The following STAG1 variants were observed in gnomAD, a reference collection of about 807,000 sequenced individuals.
STAG1 encodes the protein STAG1 cohesin complex component.
Under a neutral mutation model 170.9 loss-of-function variants are expected in STAG1, and 26 were observed. That is an observed-to-expected ratio of 0.15 (90% CI 0.11 to 0.21). The LOEUF (loss-of-function observed/expected upper bound fraction) is 0.21. Ranked by LOEUF, STAG1 falls within the 10% of genes least tolerant of loss-of-function variation. The pLI is 1.00. For missense variants in STAG1, 964 were observed against 1,509.5 expected (o/e 0.64, Z 5.99); for synonymous variants, 514 against 497.7 (o/e 1.03, Z -0.44).
At chr3:136,493,923 A>C (rs913547381) in intron 9 of STAG1, among the ~76,000 whole-genome samples, 6 of 152,330 alleles carry the variant, frequency 3.9e-5, no homozygotes, top group African/African-American at 1.4e-4. Flanking sequence ...TGCATGAAAT[A>C]GACATATTGC....
At chr3:136,617,247 T>C (rs1280490688) in intron 3 of STAG1, among the ~76,000 whole-genome samples, 1 of 152,216 alleles carries the variant, frequency 6.6e-6, no homozygotes, top group Admixed American at 6.5e-5. Flanking sequence ...CCTCATACTA[T>C]TCCAAGTGTA....
At chr3:136,373,192 A>G (rs1328699090) in intron 23 of STAG1, among the ~76,000 whole-genome samples, 1 of 152,040 alleles carries the variant, frequency 6.6e-6, no homozygotes, top group Non-Finnish European at 1.5e-5. Flanking sequence ...ATCGGTGGTG[A>G]TATCCCCTTT....
At chr3:136,408,674 T>G (rs1345179553) in intron 21 of STAG1, among the ~76,000 whole-genome samples, 1 of 152,120 alleles carries the variant, frequency 6.6e-6, no homozygotes, top group Non-Finnish European at 1.5e-5. Flanking sequence ...CACCATTATA[T>G]CCTCAGGACT....
At chr3:136,681,903 G>A (rs1395727338) in intron 1 of STAG1, among the ~76,000 whole-genome samples, 4 of 151,944 alleles carry the variant, frequency 2.6e-5, no homozygotes, top group South Asian at 2.1e-4. Context: ...TATGAAATAC[G>A]CACAGCTAAT....
chr3:136,685,726 G>A (rs1457141582), intron 1 of STAG1, among the ~76,000 whole-genome samples: 1 of 151,966 alleles, frequency 6.6e-6, no homozygotes, highest in Non-Finnish European at 1.5e-5. Context: ...TGACATTCTG[G>A]AAAAGGCAAA....
At chr3:136,493,989 T>C (rs1932932301) in intron 9 of STAG1, among the ~76,000 whole-genome samples, 1 of 152,142 alleles carries the variant, frequency 6.6e-6, no homozygotes, top group South Asian at 2.1e-4. Context: ...TCTGGCGGTG[T>C]GCAGGGCGCA....
intron 4 of STAG1, among the ~76,000 whole-genome samples, chr3:136,592,953 C>A (rs1316511519): frequency 6.6e-6 from 1 of 152,206 alleles, no homozygotes; most frequent in Non-Finnish European, 1.5e-5. Context: ...AAGGCACAGA[C>A]AACCTGGCAA....
intron 25 of STAG1, among the ~76,000 whole-genome samples, chr3:136,365,132 A>G (rs560848645): frequency 5.3e-5 from 8 of 152,316 alleles, no homozygotes; most frequent in South Asian, 2.1e-4. Context: ...AAGGATGATA[A>G]AAGTTCTGAA....
intron 4 of STAG1, among the ~76,000 whole-genome samples, chr3:136,572,899 A>AG (rs1937321895): frequency 6.6e-6 from 1 of 152,218 alleles, no homozygotes; most frequent in Non-Finnish European, 1.5e-5. Context: ...ACTCCAGGCC[A>AG]GGTGCAATGG....
chr3:136,565,124 A>AAAGAGAAAGGG (rs1298148029), intron 5 of STAG1, among the ~76,000 whole-genome samples: 3 of 149,258 alleles, frequency 2.0e-5, no homozygotes, highest in Non-Finnish European at 4.5e-5. Context: ...GAAAGAAAGG[A>AAAGAGAAAGGG]AAGAGAAAGG....
At chr3:136,582,909 T>C (rs187432318) in intron 4 of STAG1, among the ~76,000 whole-genome samples, 5 of 152,334 alleles carry the variant, frequency 3.3e-5, no homozygotes, top group East Asian at 3.9e-4. Flanking sequence ...GTTGCCACAA[T>C]AGTAAAGAAA....
chr3:136,751,959 C>G (rs1161149090), intron 1 of STAG1, among the ~76,000 whole-genome samples: 1 of 150,812 alleles, frequency 6.6e-6, no homozygotes, highest in Non-Finnish European at 1.5e-5. Context: ...GTGCCCACCG[C>G]GCCCACAGAC....
At chr3:136,627,639 C>A (rs571264652) in intron 2 of STAG1, among the ~76,000 whole-genome samples, 4 of 152,240 alleles carry the variant, frequency 2.6e-5, no homozygotes, top group Middle Eastern at 3.4e-3. Flanking sequence ...AATCAAGTTT[C>A]TCTTTAGGAT....
At chr3:136,418,022 T>G in intron 20 of STAG1, 50 bp from the exon 21 acceptor site, 1 of 1,418,004 alleles carries the variant, frequency 7.1e-7, no homozygotes, top group Non-Finnish European at 1.0e-6. Context: ...GAAGGAAATT[T>G]AAATTTGAGC....
At chr3:136,411,010 G>A (rs1365045685) in intron 21 of STAG1, among the ~76,000 whole-genome samples, 1 of 152,324 alleles carries the variant, frequency 6.6e-6, no homozygotes, top group Admixed American at 6.5e-5. Flanking sequence ...AGCTGAGATT[G>A]CATCACTGCA....
intron 9 of STAG1, among the ~76,000 whole-genome samples, chr3:136,485,404 C>T (rs529964430): frequency 6.6e-6 from 1 of 152,178 alleles, no homozygotes; most frequent in South Asian, 2.1e-4. Context: ...TTGCAGTAAG[C>T]CGAGATCACG....
chr3:136,431,643 C>G (rs1336483059), intron 16 of STAG1, among the ~76,000 whole-genome samples: 2 of 152,136 alleles, frequency 1.3e-5, no homozygotes, highest in African/African-American at 2.4e-5. Flanking sequence ...TTTTGTTTCT[C>G]TGGTAATGGT....
intron 12 of STAG1, among the ~76,000 whole-genome samples, chr3:136,471,313 T>G (rs1576502474): frequency 6.6e-6 from 1 of 152,148 alleles, no homozygotes; most frequent in Admixed American, 6.6e-5. Flanking sequence ...AAATTCATCA[T>G]AGAAGTCAAT....
At chr3:136,668,388 TA>T (rs1941875587) in intron 1 of STAG1, among the ~76,000 whole-genome samples, 1 of 145,996 alleles carries the variant, frequency 6.8e-6, no homozygotes, top group Non-Finnish European at 1.5e-5. Context: ...ACATAATATA[TA>T]AAATATATAT....
Sources: allele counts gnomAD v4.1 joint callset (sites outside exome capture counted in the v4.1 genomes callset), GRCh38; gene constraint gnomAD v4.1.1; transcripts MANE v1.5; gene names NCBI Gene and HGNC (gene_info 2026-07-23, HGNC 2026-07-21).